Variants in DNM3 observed in about 807,000 individuals in gnomAD.
The protein encoded by DNM3 is dynamin-3.
A neutral mutation model predicts 101.6 loss-of-function variants in DNM3; 47 were observed. The observed-to-expected ratio is 0.46, with a 90% CI of 0.37 to 0.59. The LOEUF (loss-of-function observed/expected upper bound fraction) is 0.59, where lower values mean the gene tolerates loss of function less well. Ranked by LOEUF, DNM3 falls within the 20% of genes least tolerant of loss-of-function variation. The probability of loss-of-function intolerance (pLI) is 0.00; values close to 1 mark genes in which losing one functional copy is unlikely to be tolerated. For synonymous variants in DNM3, 385 were observed against 387.9 expected (o/e 0.99, Z 0.09); for missense variants, 849 against 1,085.7 (o/e 0.78, Z 3.06).
At chr1:172,313,297 C>T (rs539078630) in intron 16 of DNM3, among the ~76,000 whole-genome samples, 7 of 151,972 alleles carry the variant, frequency 4.6e-5, no homozygotes. Flanking sequence ...ATTGTGTGTG[C>T]GTATGTATCA....
At chr1:172,290,175 C>CT (rs2063849114) in intron 15 of DNM3, 1 of 220,908 alleles carries the variant, frequency 4.5e-6, no homozygotes, top group African/African-American at 2.3e-5. Context: ...TTTAAAGCTC[C>CT]ATCAATGGAC....
chr1:172,170,484 A>G (rs911366765), intron 14 of DNM3, among the ~76,000 whole-genome samples: 1 of 151,848 alleles, frequency 6.6e-6, no homozygotes, highest in African/African-American at 2.4e-5. Context: ...TTTCATATCT[A>G]TAAAATGTGA....
At chr1:172,131,431 C>A in intron 14 of DNM3, 143 bp downstream of exon 14, 3 of 660,230 alleles carry the variant, frequency 4.5e-6, no homozygotes, top group Non-Finnish European at 7.4e-6. Flanking sequence ...TAAAAAGGCA[C>A]TATTATTTTC....
chr1:172,308,962 T>C, intron 16 of DNM3, 123 bp downstream of exon 16: 1 of 484,512 alleles, frequency 2.1e-6, no homozygotes, highest in Non-Finnish European at 3.6e-6. Flanking sequence ...AGTTACACTT[T>C]TAGCTGATAC....
At chr1:172,282,961 A>G (rs888880693) in intron 15 of DNM3, among the ~76,000 whole-genome samples, 6 of 152,190 alleles carry the variant, frequency 3.9e-5, no homozygotes, top group African/African-American at 1.4e-4. Context: ...TCCATCAAGT[A>G]GCATCGCATC....
At chr1:171,848,235 C>T (rs1263983794) in intron 1 of DNM3, among the ~76,000 whole-genome samples, 1 of 152,134 alleles carries the variant, frequency 6.6e-6, no homozygotes, top group Non-Finnish European at 1.5e-5. Flanking sequence ...TTGGGCCAGC[C>T]TTTTTCTCTT....
intron 4 of DNM3, among the ~76,000 whole-genome samples, chr1:171,990,549 T>G (rs1307657538): frequency 2.6e-5 from 4 of 152,116 alleles, no homozygotes; most frequent in African/African-American, 9.7e-5. Context: ...TTTTAATTAA[T>G]TCCTCTGCTT....
intron 14 of DNM3, among the ~76,000 whole-genome samples, chr1:172,242,312 C>T (rs773534831): frequency 1.4e-4 from 22 of 152,178 alleles, no homozygotes; most frequent in Non-Finnish European, 2.9e-4. Flanking sequence ...GCTGTTCACC[C>T]TGCCTGGTAT....
rs1472862590 is a variant in DNM3, at chr1:172,323,322, T to C, written c.1882-7T>C. 2.6e-5 allele frequency: 41 copies of C among 1,604,196 alleles called. No individual in the cohort carries two copies. Among genetic ancestry groups the C allele is most frequent in the Non-Finnish European group, 3.4e-5 (40 of 1,174,972 alleles). ...TCTCTTTCTTTTCCTTGCGGCTACA[T>C]GCATAGGGGAACAACAAAGTAAGTT... On this transcript the variant is annotated splice_polypyrimidine_tract_variant and splice_region_variant and intron_variant, in intron 16 of 20. Transcript: ENST00000627582.
At chr1:172,211,924 A>T (rs1396683446) in intron 14 of DNM3, among the ~76,000 whole-genome samples, 1 of 152,132 alleles carries the variant, frequency 6.6e-6, no homozygotes, top group Non-Finnish European at 1.5e-5. Context: ...AATGACATTT[A>T]TGAGGATGAA....
chr1:172,382,884 G>A (rs987814390), intron 18 of DNM3, among the ~76,000 whole-genome samples: 4 of 152,060 alleles, frequency 2.6e-5, no homozygotes, highest in East Asian at 3.9e-4. Flanking sequence ...TGTAGCCTGC[G>A]CCCCTGGACC....
At chr1:172,057,430 A>C (rs2050737192) in intron 10 of DNM3, among the ~76,000 whole-genome samples, 2 of 152,318 alleles carry the variant, frequency 1.3e-5, no homozygotes, top group South Asian at 4.1e-4. Flanking sequence ...AAAAATGTTA[A>C]GGGCAGCCAG....
At chr1:172,048,517 T>C (rs886460922) in intron 9 of DNM3, 95 bp from the exon 10 acceptor site, 29 of 1,404,636 alleles carry the variant, frequency 2.1e-5, no homozygotes, top group Non-Finnish European at 2.7e-5. Flanking sequence ...ACATGCTTAA[T>C]TTAAATGGAA....
intron 11 of DNM3, among the ~76,000 whole-genome samples, chr1:172,070,315 T>G (rs4641331): frequency 6.6e-6 from 1 of 152,038 alleles, no homozygotes; most frequent in Non-Finnish European, 1.5e-5. Context: ...TTCTCCCTAA[T>G]GTCTAATGTC....
At chr1:172,023,562 A>T (rs1314587407) in intron 4 of DNM3, among the ~76,000 whole-genome samples, 1 of 152,084 alleles carries the variant, frequency 6.6e-6, no homozygotes, top group Non-Finnish European at 1.5e-5. Flanking sequence ...TCTTTTCTTT[A>T]ACTTCTCTGG....
chr1:172,357,032 A>T (rs1333951963), intron 17 of DNM3, among the ~76,000 whole-genome samples: 1 of 152,162 alleles, frequency 6.6e-6, no homozygotes, highest in African/African-American at 2.4e-5. Flanking sequence ...ATTATAATCC[A>T]TAGAATAAAA....
At chr1:172,214,142 C>A (rs1181535411) in intron 14 of DNM3, among the ~76,000 whole-genome samples, 3 of 151,890 alleles carry the variant, frequency 2.0e-5, no homozygotes, top group Admixed American at 1.3e-4. Context: ...TTTTTCTATT[C>A]TTCATTTGAC....
chr1:172,225,068 A>G (rs1054189103), intron 14 of DNM3, among the ~76,000 whole-genome samples: 1 of 150,652 alleles, frequency 6.6e-6, no homozygotes, highest in South Asian at 2.1e-4. Flanking sequence ...CATGCAATGC[A>G]GTATTCTCCT....
intron 9 of DNM3, among the ~76,000 whole-genome samples, chr1:172,045,191 G>C (rs1255153497): frequency 6.6e-6 from 1 of 152,178 alleles, no homozygotes; most frequent in Non-Finnish European, 1.5e-5. Context: ...GGTAGAACTT[G>C]TGTCTGAATT....
Sources: gnomAD v4.1 joint callset for allele counts (sites outside exome capture counted in the v4.1 genomes callset) on GRCh38, gnomAD v4.1.1 for gene constraint, MANE v1.5 for transcripts, NCBI Gene and HGNC (gene_info 2026-07-23, HGNC 2026-07-21) for gene names.